Variants in GRAMD2B observed in about 807,000 individuals in gnomAD.
GRAMD2B encodes GRAM domain-containing protein 2B.
GRAMD2B carries 41 observed loss-of-function variants against 59.2 expected under a neutral mutation model. That is an observed-to-expected ratio of 0.69 (90% confidence interval 0.54 to 0.90). The LOEUF is 0.90. Ranked by LOEUF, GRAMD2B falls within the 40% of genes least tolerant of loss-of-function variation. GRAMD2B has a pLI of 0.00. For synonymous variants in GRAMD2B, 161 were observed against 182.7 expected (o/e 0.88, Z 0.96); for missense variants, 424 against 500.5 (o/e 0.85, Z 1.46).
At chr5:126,382,755 G>C (rs1024505168) in intron 1 of GRAMD2B, among the ~76,000 whole-genome samples, 3 of 152,128 alleles carry the variant, frequency 2.0e-5, no homozygotes, top group African/African-American at 7.2e-5. Flanking sequence ...TTTTGGGGGT[G>C]TTAAAAAATC....
intron 1 of GRAMD2B, among the ~76,000 whole-genome samples, chr5:126,364,716 C>T (rs1754362108): frequency 6.6e-6 from 1 of 152,156 alleles, no homozygotes. Context: ...ATTTTAAGTA[C>T]ATGCATTCTA....
chr5:126,460,352 T>G (rs1767114035), intron 1 of GRAMD2B, among the ~76,000 whole-genome samples: 1 of 152,214 alleles, frequency 6.6e-6, no homozygotes, highest in South Asian at 2.1e-4. Flanking sequence ...ATGCTTATAG[T>G]GCCTATTCAG....
At chr5:126,459,457 C>CT (rs377084261) in intron 1 of GRAMD2B, among the ~76,000 whole-genome samples, 210 of 152,252 alleles carry the variant, frequency 1.4e-3, no homozygotes, top group African/African-American at 4.8e-3. Flanking sequence ...TAAAAGTCAA[C>CT]TATAGGATGT....
chr5:126,375,889 T>C (rs966708417), intron 1 of GRAMD2B, among the ~76,000 whole-genome samples: 1 of 152,216 alleles, frequency 6.6e-6, no homozygotes, highest in Non-Finnish European at 1.5e-5. Context: ...CCAGCCTCCA[T>C]TGAGTTAATC....
intron 1 of GRAMD2B, among the ~76,000 whole-genome samples, chr5:126,377,742 G>T (rs951653421): frequency 6.6e-6 from 1 of 152,178 alleles, no homozygotes; most frequent in Non-Finnish European, 1.5e-5. Context: ...AATATGCCCT[G>T]CTCTGGGGCA....
upstream of GRAMD2B, among the ~76,000 whole-genome samples, chr5:126,368,055 A>G (rs930909845): frequency 4.6e-5 from 7 of 152,222 alleles, no homozygotes; most frequent in Admixed American, 3.9e-4. Flanking sequence ...CCGGCCGAGA[A>G]GACTTTCAAC....
intron 1 of GRAMD2B, among the ~76,000 whole-genome samples, chr5:126,410,024 C>T (rs1758638533): frequency 6.6e-6 from 1 of 151,330 alleles, no homozygotes; most frequent in Admixed American, 6.6e-5. Context: ...TTTCTGAGGG[C>T]TCTGTTCTGT....
At chr5:126,398,135 C>T (rs112984209) in intron 1 of GRAMD2B, among the ~76,000 whole-genome samples, 1,509 of 149,778 alleles carry the variant, frequency 0.01, 41 homozygotes, top group African/African-American at 0.036. Flanking sequence ...GTGATCCTCT[C>T]ACCCCAGCCT....
intron 1 of GRAMD2B, among the ~76,000 whole-genome samples, chr5:126,452,101 T>C (rs1375076876): frequency 6.6e-6 from 1 of 152,216 alleles, no homozygotes; most frequent in Admixed American, 6.5e-5. Context: ...GGTATATCTC[T>C]ATAGCAATGC....
At chr5:126,432,608 T>G (rs545509564) in intron 1 of GRAMD2B, among the ~76,000 whole-genome samples, 1 of 152,276 alleles carries the variant, frequency 6.6e-6, no homozygotes, top group East Asian at 1.9e-4. Context: ...TTAGATCTAT[T>G]TAATCCTTAA....
At chr5:126,368,570 T>A (rs1754577058), upstream of GRAMD2B, among the ~76,000 whole-genome samples, 1 of 152,168 alleles carries the variant, frequency 6.6e-6, no homozygotes, top group South Asian at 2.1e-4. Context: ...GGATGCCTCC[T>A]CCCACCAGAA....
At chr5:126,419,991 G>A (rs568103120), upstream of GRAMD2B, among the ~76,000 whole-genome samples, 15 of 142,666 alleles carry the variant, frequency 1.1e-4, no homozygotes, top group South Asian at 2.9e-3. Flanking sequence ...GGAGGCAGAG[G>A]TTGCAGTGAG....
At chr5:126,369,559 T>C (rs1374861835), upstream of GRAMD2B, among the ~76,000 whole-genome samples, 1 of 152,308 alleles carries the variant, frequency 6.6e-6, no homozygotes, top group East Asian at 1.9e-4. Flanking sequence ...ATGTAGACTG[T>C]TTTTTCCTAG....
intron 1 of GRAMD2B, among the ~76,000 whole-genome samples, chr5:126,458,486 G>A (rs1766751617): frequency 6.6e-6 from 1 of 151,924 alleles, no homozygotes; most frequent in Admixed American, 6.6e-5. Flanking sequence ...AAAATAATAA[G>A]GGACTGGAGT....
At chr5:126,422,108 A>G (rs1759787773), upstream of GRAMD2B, among the ~76,000 whole-genome samples, 1 of 152,256 alleles carries the variant, frequency 6.6e-6, no homozygotes, top group South Asian at 2.1e-4. Flanking sequence ...TGTTTATACA[A>G]GCTTGCCCAA....
intron 1 of GRAMD2B, among the ~76,000 whole-genome samples, chr5:126,365,359 A>C: frequency 6.6e-6 from 1 of 152,214 alleles, no homozygotes; most frequent in East Asian, 1.9e-4. Flanking sequence ...TATCTTCAGA[A>C]GTATTTCTCT....
At chr5:126,386,406 C>T (rs1756139050) in intron 1 of GRAMD2B, among the ~76,000 whole-genome samples, 4 of 152,202 alleles carry the variant, frequency 2.6e-5, no homozygotes, top group Admixed American at 2.6e-4. Flanking sequence ...AATTGCTTCA[C>T]AGCATATTAT....
intron 1 of GRAMD2B, among the ~76,000 whole-genome samples, chr5:126,455,172 T>C (rs1443710214): frequency 6.6e-6 from 1 of 152,160 alleles, no homozygotes; most frequent in Non-Finnish European, 1.5e-5. Flanking sequence ...TGCCTTTCTG[T>C]TTTCTCTTGT....
At chr5:126,360,384 T>C in exon 1 of GRAMD2B, 1 of 1,551,362 alleles carries the variant, frequency 6.4e-7, no homozygotes, top group Non-Finnish European at 8.7e-7. Context: ...CAGCAAACAT[T>C]CCAAGCACAG....
Sources: gnomAD v4.1 joint callset for allele counts (sites outside exome capture counted in the v4.1 genomes callset) on GRCh38, gnomAD v4.1.1 for gene constraint, MANE v1.5 for transcripts, NCBI Gene and HGNC (gene_info 2026-07-23, HGNC 2026-07-21) for gene names.